Variants in RASA2 observed in about 807,000 individuals in gnomAD.
RASA2 encodes ras GTPase-activating protein 2.
RASA2 carries 155 observed loss-of-function variants against 118.2 expected under a neutral mutation model. That is an observed-to-expected ratio of 1.31 (90% CI 1.15 to 1.50). The LOEUF is 1.50. Among genes scored for constraint, RASA2 ranks in the 40% most tolerant of loss-of-function variants. RASA2 has a pLI of 0.00. For missense variants in RASA2, 1,016 were observed against 1,009.6 expected, an observed-to-expected ratio of 1.01 and a Z score of -0.09; for synonymous variants, 353 against 349.1, an observed-to-expected ratio of 1.01 and a Z score of -0.12.
rs117641874 is a variant in RASA2 at position 141,582,910 on chromosome 3, A to G, written c.1752+1733A>G. Among the ~76,000 whole-genome samples the G allele has an allele frequency of 1.1e-3, 160 of 152,348 alleles. 1 individual carries two copies. Among genetic ancestry groups the G allele is most frequent in the African/African-American group, 3.4e-3 (141 of 41,586 alleles). The stretch of plus-strand genomic sequence containing the variant: ...TAGAAAGGATAACCTGGATAGTTCT[A>G]TAAACAAGGTGACCATATAATTTGA... On this transcript the variant is annotated intron_variant, in intron 17 of 23. Transcript: ENST00000286364.
chr3:141,566,369 A>T (rs1349222190), intron 9 of RASA2, among the ~76,000 whole-genome samples: 2 of 152,226 alleles, frequency 1.3e-5, no homozygotes, highest in Admixed American at 6.5e-5. Flanking sequence ...ACCAATATAG[A>T]GGAAATACAG....
chr3:141,542,559 G>A lies in RASA2; in HGVS notation c.527+1950G>A, dbSNP rs181472531. Reference sequence around the variant, plus strand: ...AGATTTACAGAAAGTTGTAAGGATAGTACAGAGAGGTCCTGTGTACCCTTC... The same window carrying A: ...AGATTTACAGAAAGTTGTAAGGATAATACAGAGAGGTCCTGTGTACCCTTC... On this transcript the variant is annotated intron_variant, in intron 5 of 23. Coordinates refer to ENST00000286364, the MANE Select transcript of RASA2 (RefSeq NM_006506.5). Among the ~76,000 whole-genome samples the A allele has an allele frequency of 1.4e-3, 219 of 152,218 alleles. 2 individuals carry two copies. In the South Asian group the frequency reaches 0.018, roughly 12 times the overall value.
In RASA2 at chr3:141,609,930, T is replaced by G. The variant is rs753648895; in HGVS notation, c.2383T>G (p.Tyr795Asp). The G allele has an allele frequency of 4.4e-6, 7 of 1,605,824 alleles. No individual in the cohort carries two copies. Among genetic ancestry groups the G allele is most frequent in the African/African-American group, 2.7e-5 (2 of 74,464 alleles). ...AGGACCACAGAAAGAGCCTGATGATTATTCTAACTTTGTAATCGAGGATTC... is the reference window on the plus strand; with the variant it reads ...AGGACCACAGAAAGAGCCTGATGATGATTCTAACTTTGTAATCGAGGATTC... ...YQGPQKEPDD[Y>D]SNFVIEDSVT... The change falls in exon 23 of 24, where the codon TAT becomes GAT. Residue 795 changes from tyrosine to aspartate, a missense_variant. Tyr to Asp is a radical substitution (Grantham distance 160). Transcript: ENST00000286364.
chr3:141,594,629 T>G (rs1403722907), intron 19 of RASA2, among the ~76,000 whole-genome samples: 1 of 152,160 alleles, frequency 6.6e-6, no homozygotes, highest in African/African-American at 2.4e-5. Context: ...GAATGACCTG[T>G]TTAAAATGCT....
intron 19 of RASA2, among the ~76,000 whole-genome samples, chr3:141,601,796 G>A (rs2083468593): frequency 6.6e-6 from 1 of 151,508 alleles, no homozygotes; most frequent in African/African-American, 2.4e-5. Context: ...TTTCTTCTAG[G>A]GATCCTCCAA....
chr3:141,594,582 A>T (rs571051406), intron 19 of RASA2, among the ~76,000 whole-genome samples: 6 of 152,150 alleles, frequency 3.9e-5, no homozygotes, highest in African/African-American at 1.4e-4. Flanking sequence ...TTGACAGCCA[A>T]CTCCTCATAA....
intron 19 of RASA2, among the ~76,000 whole-genome samples, chr3:141,599,248 T>G (rs1307402928): frequency 1.3e-5 from 2 of 150,944 alleles, no homozygotes; most frequent in East Asian, 1.9e-4. Context: ...TGGGTTTTTT[T>G]TTTTTTTTTT....
intron 19 of RASA2, among the ~76,000 whole-genome samples, chr3:141,603,202 A>G (rs2107796006): frequency 6.6e-6 from 1 of 152,190 alleles, no homozygotes; most frequent in East Asian, 1.9e-4. Context: ...CAGTCATGGT[A>G]ACATTGTTTT....
At chr3:141,549,476 T>TGTGTGC (rs1454624739) in intron 5 of RASA2, among the ~76,000 whole-genome samples, 9 of 133,750 alleles carry the variant, frequency 6.7e-5, no homozygotes, top group African/African-American at 2.0e-4. Context: ...TGTATGAGTG[T>TGTGTGC]GTGTGTGCGT....
intron 21 of RASA2, 65 bp downstream of exon 21, chr3:141,608,762 T>A: frequency 6.7e-7 from 1 of 1,492,342 alleles, no homozygotes; most frequent in Non-Finnish European, 9.3e-7. Flanking sequence ...AATGTTAATA[T>A]TATTTGTCCA....
chr3:141,602,146 A>T (rs1348167164), intron 19 of RASA2, among the ~76,000 whole-genome samples: 1 of 152,106 alleles, frequency 6.6e-6, no homozygotes, highest in East Asian at 1.9e-4. Flanking sequence ...CTTCTTTCCC[A>T]AGTTATGTGT....
At chr3:141,587,878 G>T (rs2083230466) in intron 19 of RASA2, among the ~76,000 whole-genome samples, 1 of 4,454 alleles carries the variant, frequency 2.2e-4, no homozygotes, top group African/African-American at 2.1e-3. Context: ...AAACCAAAAG[G>T]TTGGTTAAAA....
chr3:141,579,827 AG>A (rs1311963101), intron 15 of RASA2, among the ~76,000 whole-genome samples: 1 of 151,776 alleles, frequency 6.6e-6, no homozygotes, highest in African/African-American at 2.4e-5. Context: ...AGGCCAAGGC[AG>A]GCAGATCACC....
intron 17 of RASA2, among the ~76,000 whole-genome samples, chr3:141,582,096 G>C (rs996621551): frequency 9.9e-5 from 15 of 152,174 alleles, no homozygotes; most frequent in Non-Finnish European, 4.4e-5. Flanking sequence ...ATCCAAATTA[G>C]CAAAGCCAAA....
intron 19 of RASA2, among the ~76,000 whole-genome samples, chr3:141,592,129 G>C (rs1436907159): frequency 6.6e-6 from 1 of 152,048 alleles, no homozygotes; most frequent in East Asian, 1.9e-4. Context: ...AAAGAAGCAG[G>C]GACAAGGTAC....
intron 8 of RASA2, among the ~76,000 whole-genome samples, 153 bp from the exon 9 acceptor site, chr3:141,559,741 C>T (rs1445444517): frequency 6.6e-6 from 1 of 152,050 alleles, no homozygotes; most frequent in Non-Finnish European, 1.5e-5. Flanking sequence ...CTTCTCTAGT[C>T]TGGATAGTGA....
intron 4 of RASA2, among the ~76,000 whole-genome samples, chr3:141,533,537 A>G (rs74952802): frequency 0.014 from 2,073 of 152,330 alleles, 61 homozygotes; most frequent in African/African-American, 0.047. Flanking sequence ...GAAGGATCCC[A>G]GTAGTATTAA....
chr3:141,605,458 A>G (rs957737996), intron 19 of RASA2, among the ~76,000 whole-genome samples: 1 of 152,190 alleles, frequency 6.6e-6, no homozygotes. Flanking sequence ...TCATGACAGT[A>G]TATGTGCCTG....
At chr3:141,567,578 A>T (rs1184896683) in intron 9 of RASA2, among the ~76,000 whole-genome samples, 1 of 152,210 alleles carries the variant, frequency 6.6e-6, no homozygotes, top group Non-Finnish European at 1.5e-5. Context: ...ATGCATTCTT[A>T]ATGTATTTTA....
Sources: allele counts gnomAD v4.1 joint callset (sites outside exome capture counted in the v4.1 genomes callset), GRCh38; gene constraint gnomAD v4.1.1; transcripts MANE v1.5; gene names NCBI Gene and HGNC (gene_info 2026-07-23, HGNC 2026-07-21).